Variants in MCPH1 observed in about 807,000 individuals in gnomAD.
MCPH1 encodes the protein microcephalin.
Under a neutral mutation model 84.5 loss-of-function variants are expected in MCPH1, and 104 were observed. The ratio of observed to expected loss-of-function variants is 1.23; its 90% CI spans 1.05 to 1.45. The LOEUF (loss-of-function observed/expected upper bound fraction) is 1.45. Ranked by LOEUF, MCPH1 falls within the 40% of genes most tolerant of loss-of-function variation. The probability of loss-of-function intolerance (pLI) is 0.00; values close to 1 mark genes in which losing one functional copy is unlikely to be tolerated. For synonymous variants in MCPH1, 514 were observed against 366.8 expected (o/e 1.40, Z -4.58); for missense variants, 1,498 against 1,005.7 (o/e 1.49, Z -6.62).
chr8:6,462,986 A>G (rs1806450700), intron 9 of MCPH1, among the ~76,000 whole-genome samples: 1 of 152,174 alleles, frequency 6.6e-6, no homozygotes, highest in African/African-American at 2.4e-5. Context: ...GTCTTTAATG[A>G]AAATGACCCT....
chr8:6,430,413 G>A (rs986627732), intron 3 of MCPH1, among the ~76,000 whole-genome samples: 16 of 152,220 alleles, frequency 1.1e-4, no homozygotes, highest in African/African-American at 3.9e-4. Context: ...ACACGTTAGT[G>A]TTGTTATAAA....
chr8:6,505,555 T>C (rs1586190658), intron 12 of MCPH1, among the ~76,000 whole-genome samples: 1 of 102,006 alleles, frequency 9.8e-6, no homozygotes, highest in Non-Finnish European at 1.9e-5. Context: ...TATATATACT[T>C]TATATATGTA....
At chr8:6,485,371 G>C (rs1809762285) in intron 11 of MCPH1, among the ~76,000 whole-genome samples, 1 of 152,010 alleles carries the variant, frequency 6.6e-6, no homozygotes, top group African/African-American at 2.4e-5. Flanking sequence ...TTTCCAAATG[G>C]AGATGTTTGA....
At chr8:6,635,064 G>C (rs1488733146) in intron 13 of MCPH1, 2 of 152,298 alleles carry the variant, frequency 1.3e-5, no homozygotes, top group African/African-American at 2.4e-5. Flanking sequence ...TGATGAACCA[G>C]GTGGTGGTTT....
chr8:6,435,913 A>C (rs1802575746), intron 4 of MCPH1, 135 bp from the exon 5 acceptor site: 3 of 953,118 alleles, frequency 3.1e-6, no homozygotes, highest in Admixed American at 2.8e-5. Context: ...GTTCACATAC[A>C]GTGCAAGAAA....
intron 12 of MCPH1, among the ~76,000 whole-genome samples, chr8:6,544,928 A>G (rs1453802196): frequency 6.6e-6 from 1 of 152,216 alleles, no homozygotes; most frequent in Non-Finnish European, 1.5e-5. Context: ...TTTTGTTCTC[A>G]CAATGGAATT....
At chr8:6,632,576 G>A (rs529228821) in intron 13 of MCPH1, among the ~76,000 whole-genome samples, 7 of 152,294 alleles carry the variant, frequency 4.6e-5, no homozygotes, top group South Asian at 2.1e-4. Context: ...TTGGAAGGCC[G>A]AGGGGGGCGG....
At chr8:6,590,480 A>C (rs1828371471) in intron 12 of MCPH1, among the ~76,000 whole-genome samples, 1 of 152,144 alleles carries the variant, frequency 6.6e-6, no homozygotes, top group South Asian at 2.1e-4. Context: ...GCAGTTTCTC[A>C]AACTCATGTC....
chr8:6,486,605 A>T (rs1809959773), intron 11 of MCPH1, among the ~76,000 whole-genome samples: 1 of 152,140 alleles, frequency 6.6e-6, no homozygotes, highest in South Asian at 2.1e-4. Context: ...TTTATTGGCA[A>T]TTTTTCCATG....
intron 13 of MCPH1, among the ~76,000 whole-genome samples, chr8:6,627,726 A>G (rs905390819): frequency 6.6e-6 from 1 of 152,068 alleles, no homozygotes; most frequent in Non-Finnish European, 1.5e-5. Flanking sequence ...TCTCGTCTGT[A>G]CAAAAAAGTA....
At chr8:6,590,787 C>G (rs375336132) in intron 12 of MCPH1, among the ~76,000 whole-genome samples, 2 of 152,170 alleles carry the variant, frequency 1.3e-5, no homozygotes, top group Admixed American at 1.3e-4. Context: ...ATGAGAAAAT[C>G]GAGGCTGCCT....
intron 12 of MCPH1, among the ~76,000 whole-genome samples, chr8:6,600,369 G>A (rs940106400): frequency 2.6e-5 from 4 of 152,228 alleles, no homozygotes; most frequent in Non-Finnish European, 2.9e-5. Context: ...AGCCCTCAGC[G>A]CACAGGTGGA....
intron 12 of MCPH1, among the ~76,000 whole-genome samples, chr8:6,517,198 C>G (rs1692300046): frequency 6.6e-6 from 1 of 152,186 alleles, no homozygotes; most frequent in South Asian, 2.1e-4. Flanking sequence ...CCTTACCACT[C>G]CAATTACAAC....
At chr8:6,464,749 G>A (rs1198222908) in intron 9 of MCPH1, among the ~76,000 whole-genome samples, 3 of 152,234 alleles carry the variant, frequency 2.0e-5, no homozygotes, top group African/African-American at 7.2e-5. Flanking sequence ...TATAATCCCA[G>A]CACTTTGGGA....
chr8:6,475,322 G>C (rs138482697), intron 9 of MCPH1, among the ~76,000 whole-genome samples: 4 of 152,356 alleles, frequency 2.6e-5, no homozygotes, highest in Admixed American at 2.0e-4. Flanking sequence ...TGGACAGCCT[G>C]ATGCTTTGTT....
At chr8:6,580,436 C>A (rs1827470686) in intron 12 of MCPH1, among the ~76,000 whole-genome samples, 1 of 152,168 alleles carries the variant, frequency 6.6e-6, no homozygotes, top group African/African-American at 2.4e-5. Flanking sequence ...GCGGGCAGAT[C>A]ACGAGGCCAG....
chr8:6,573,881 G>GA (rs1293505618), intron 12 of MCPH1, among the ~76,000 whole-genome samples: 1 of 152,158 alleles, frequency 6.6e-6, no homozygotes, highest in Non-Finnish European at 1.5e-5. Context: ...AAGGTGGCCA[G>GA]AAAAAACCAC....
intron 12 of MCPH1, among the ~76,000 whole-genome samples, chr8:6,546,794 G>A (rs1219765735): frequency 6.6e-6 from 1 of 152,154 alleles, no homozygotes; most frequent in Non-Finnish European, 1.5e-5. Context: ...CCCAATCCAA[G>A]TATTGCCTTT....
At chr8:6,514,737 A>T (rs1815905960) in intron 12 of MCPH1, 2 of 1,614,100 alleles carry the variant, frequency 1.2e-6, no homozygotes, top group East Asian at 2.2e-5. Context: ...GTCGCTGAAT[A>T]ATTGTCCACC....
Sources: gnomAD v4.1 joint callset for allele counts (sites outside exome capture counted in the v4.1 genomes callset) on GRCh38, gnomAD v4.1.1 for gene constraint, MANE v1.5 for transcripts, NCBI Gene and HGNC (gene_info 2026-07-23, HGNC 2026-07-21) for gene names.